The following FANCC variants were observed in gnomAD, a reference collection of about 807,000 sequenced individuals.
The protein encoded by FANCC is FA complementation group C.
Under a neutral mutation model 71.3 loss-of-function variants are expected in FANCC, and 55 were observed. The ratio of observed to expected loss-of-function variants is 0.77; its 90% CI spans 0.62 to 0.97. FANCC has a LOEUF of 0.97. Ranked by LOEUF, FANCC falls within the 50% of genes least tolerant of loss-of-function variation. The pLI is 0.00. For missense variants in FANCC, 678 were observed against 670.9 expected (o/e 1.01, Z -0.12); for synonymous variants, 275 against 244.9 (o/e 1.12, Z -1.15).
intron 4 of FANCC, among the ~76,000 whole-genome samples, chr9:95,189,531 G>T (rs998688605): frequency 3.9e-5 from 6 of 152,248 alleles, no homozygotes; most frequent in South Asian, 2.1e-4. Context: ...TTAGTTCCGG[G>T]GGGGGAAATA....
chr9:95,106,047 T>C (rs921370855), intron 14 of FANCC, among the ~76,000 whole-genome samples: 17 of 152,218 alleles, frequency 1.1e-4, no homozygotes, highest in African/African-American at 4.1e-4. Flanking sequence ...CACCCCATTC[T>C]TCTCCACAGT....
chr9:95,124,683 A>G (rs1214433155), intron 10 of FANCC, among the ~76,000 whole-genome samples: 1 of 152,182 alleles, frequency 6.6e-6, no homozygotes, highest in Non-Finnish European at 1.5e-5. Context: ...AGTGCTTTGT[A>G]ATAAGTGCCC....
intron 6 of FANCC, among the ~76,000 whole-genome samples, chr9:95,170,792 T>C (rs1382523397): frequency 6.6e-6 from 1 of 151,990 alleles, no homozygotes; most frequent in Non-Finnish European, 1.5e-5. Flanking sequence ...TAAGTACTGC[T>C]CTTTCTTTTA....
At chr9:95,117,462 T>G in intron 10 of FANCC, 72 bp from the exon 11 acceptor site, 14 of 1,266,948 alleles carry the variant, frequency 1.1e-5, no homozygotes, top group Non-Finnish European at 1.6e-5. Flanking sequence ...TACAAAACTC[T>G]GAGTCCTCTG....
rs201353296 is a variant in FANCC, at chr9:95,117,266, C to G, written c.1072+49G>C. 77 of 1,538,414 alleles carry G rather than the reference C, an allele frequency of 5.0e-5. No individual in the cohort carries two copies. The African/African-American group carries it at 9.0e-4, about 18-fold the overall frequency. ...ATGAGGAGGTCATAATTTGACAATGCTCTTCCCAGGAAATCATTCTGATGT... is the reference window on the plus strand; with the variant it reads ...ATGAGGAGGTCATAATTTGACAATGGTCTTCCCAGGAAATCATTCTGATGT... On this transcript the variant is annotated intron_variant, in intron 11 of 14. Coordinates refer to ENST00000289081, the MANE Select transcript of FANCC (RefSeq NM_000136.3).
Position 95,304,452 on chromosome 9 carries a change from T to A in FANCC, c.-79+13074A>T, listed in dbSNP as rs77708531. Among the ~76,000 whole-genome samples the A allele has an allele frequency of 3.3e-3, 504 of 151,200 alleles. 1 individual carries two copies. The highest frequency in any genetic ancestry group is 0.011 in the African/African-American group (456 of 41,246). ...CCTCCACAACCTCTTTAATTTTTTT[T>A]AAAAAAAAGGGGGCCAGGAGTGTTG... On this transcript the variant is annotated intron_variant, in intron 1 of 14. Coordinates refer to ENST00000289081, the MANE Select transcript of FANCC (RefSeq NM_000136.3).
At chr9:95,141,858 G>C (rs1056021882) in intron 7 of FANCC, among the ~76,000 whole-genome samples, 1 of 152,006 alleles carries the variant, frequency 6.6e-6, no homozygotes, top group South Asian at 2.1e-4. Context: ...GCTTACATCT[G>C]GTTTTAGTTC....
At chr9:95,227,088 A>C (rs547977802) in intron 4 of FANCC, among the ~76,000 whole-genome samples, 1 of 152,238 alleles carries the variant, frequency 6.6e-6, no homozygotes, top group South Asian at 2.1e-4. Flanking sequence ...CCTGAACACT[A>C]ATCTCCATCT....
rs4647391 is a variant in FANCC at position 95,287,238 on chromosome 9, T to TGGATGAGCA, written c.-79+30287_-79+30288insTGCTCATCC. On this transcript the variant is annotated intron_variant, in intron 1 of 14. Transcript: ENST00000289081. ...ATACCATGTGCTCATCCACATGGTA[T>TGGATGAGCA]GTCAGTTTTTTATTGTTTTTTGTTG... is the stretch of plus-strand genomic sequence containing the variant. Among the ~76,000 whole-genome samples the TGGATGAGCA allele has an allele frequency of 3.3e-3, 504 of 152,256 alleles. 8 individuals are homozygous for TGGATGAGCA. The East Asian group carries it at 0.043, about 13-fold the overall frequency.
At position 95,249,193 on chromosome 9, in the gene FANCC, G is replaced by A. The variant is rs1831175942; in HGVS notation, c.99C>T (p.Asp33=). ...DQASTLETQQ[D]TCLHVAQFQE... Reference sequence around the variant, plus strand: ...GGAACTGAGCCACGTGAAGACAGGTGTCTTGCTGGGTTTCCAAAGTGGAAG... The same window carrying A: ...GGAACTGAGCCACGTGAAGACAGGTATCTTGCTGGGTTTCCAAAGTGGAAG... Residue 33 remains aspartate (D), a synonymous_variant, in exon 2 of 15, where the codon GAC becomes GAT. Transcript: ENST00000289081. The A allele has an allele frequency of 8.1e-6, 13 of 1,614,020 alleles. No homozygotes were observed. Among genetic ancestry groups the A allele is most frequent in the South Asian group, 1.1e-5 (1 of 91,088 alleles).
At chr9:95,265,372 A>C (rs1456917300) in intron 1 of FANCC, among the ~76,000 whole-genome samples, 1 of 152,152 alleles carries the variant, frequency 6.6e-6, no homozygotes, top group Non-Finnish European at 1.5e-5. Flanking sequence ...AGACCTCAGC[A>C]ATGGGGGGAG....
intron 1 of FANCC, among the ~76,000 whole-genome samples, chr9:95,299,570 T>C (rs1007592590): frequency 1.3e-5 from 2 of 152,178 alleles, no homozygotes; most frequent in African/African-American, 2.4e-5. Context: ...ACAAATATAC[T>C]GTATCTCTGC....
intron 1 of FANCC, among the ~76,000 whole-genome samples, chr9:95,282,036 G>C (rs1172453574): frequency 6.6e-6 from 1 of 151,164 alleles, no homozygotes; most frequent in Non-Finnish European, 1.5e-5. Context: ...AATGACAGTA[G>C]TAAATCCTTA....
intron 1 of FANCC, among the ~76,000 whole-genome samples, chr9:95,311,456 A>T (rs920020973): frequency 2.0e-5 from 3 of 152,176 alleles, no homozygotes; most frequent in Admixed American, 6.5e-5. Context: ...GGCACCTCCA[A>T]AATCTTATAA....
chr9:95,135,265 C>T, intron 8 of FANCC, 81 bp downstream of exon 8: 1 of 1,332,936 alleles, frequency 7.5e-7, no homozygotes, highest in African/African-American at 1.4e-5. Context: ...TTACATCCCC[C>T]CCTTTCATTC....
At position 95,249,394 on chromosome 9, in the gene FANCC, G is replaced by C. The variant is rs4647413; in HGVS notation, c.-78-25C>G. ...TCTGTAAGAAAGGGAACAAATAGAA[G>C]CATTTCTAAAAGGCTCTTTTATCAG... On this transcript the variant is annotated intron_variant, in intron 1 of 14. Coordinates refer to ENST00000289081, the MANE Select transcript of FANCC (RefSeq NM_000136.3). 4 of 1,217,568 alleles carry C rather than the reference G, an allele frequency of 3.3e-6. No individual in the cohort carries two copies. In the East Asian group the frequency reaches 9.8e-5, roughly 30 times the overall value. The allele number at this position is 1,217,568 out of a possible 1,614,324, so 75.4% of individuals were successfully genotyped here.
intron 4 of FANCC, among the ~76,000 whole-genome samples, chr9:95,228,862 TGA>T (rs1424025915): frequency 6.6e-6 from 1 of 151,916 alleles, no homozygotes; most frequent in East Asian, 1.9e-4. Flanking sequence ...CCACTGTGGC[TGA>T]GAGAAGTGAG....
chr9:95,261,341 G>T (rs1171672396), intron 1 of FANCC, among the ~76,000 whole-genome samples: 1 of 152,140 alleles, frequency 6.6e-6, no homozygotes, highest in Non-Finnish European at 1.5e-5. Context: ...TGCTCCAAAT[G>T]TAAGTCCTTG....
At chr9:95,260,477 G>A (rs1289882765) in intron 1 of FANCC, among the ~76,000 whole-genome samples, 1 of 152,092 alleles carries the variant, frequency 6.6e-6, no homozygotes, top group African/African-American at 2.4e-5. Context: ...CTCATAAGTG[G>A]GAGTCGAACA....
Sources: allele counts gnomAD v4.1 joint callset (sites outside exome capture counted in the v4.1 genomes callset), GRCh38; gene constraint gnomAD v4.1.1; transcripts MANE v1.5; gene names NCBI Gene and HGNC (gene_info 2026-07-23, HGNC 2026-07-21).